The following NKAIN3 variants were observed in gnomAD, a reference collection of about 807,000 sequenced individuals.
NKAIN3 encodes the protein sodium/potassium-transporting ATPase subunit beta-1-interacting protein 3.
NKAIN3 carries 25 observed loss-of-function variants against 30.2 expected under a neutral mutation model. The ratio of observed to expected loss-of-function variants is 0.83; its 90% confidence interval spans 0.60 to 1.16. The LOEUF is 1.16. NKAIN3 is among the 50% of genes most tolerant of loss of function. NKAIN3 has a pLI of 0.00. For missense variants in NKAIN3, 225 were observed against 254.1 expected (o/e 0.89, Z 0.78); for synonymous variants, 91 against 89.6 (o/e 1.02, Z -0.09).
At chr8:62,861,450 G>T (rs1239339373) in intron 4 of NKAIN3, among the ~76,000 whole-genome samples, 1 of 152,138 alleles carries the variant, frequency 6.6e-6, no homozygotes, top group East Asian at 1.9e-4. Context: ...GGGAACTCAG[G>T]GACTTTCCTG....
At chr8:62,461,379 C>T (rs1050929524) in intron 1 of NKAIN3, among the ~76,000 whole-genome samples, 1 of 152,080 alleles carries the variant, frequency 6.6e-6, no homozygotes, top group Non-Finnish European at 1.5e-5. Flanking sequence ...CCAGAGTTGC[C>T]ACATTACCAT....
intron 1 of NKAIN3, among the ~76,000 whole-genome samples, chr8:62,519,805 G>A (rs1165256493): frequency 1.3e-5 from 2 of 152,016 alleles, no homozygotes; most frequent in African/African-American, 4.8e-5. Flanking sequence ...AGATTGCCGG[G>A]GCATCTTAGC....
chr8:62,522,335 G>A (rs1313806448), intron 1 of NKAIN3, among the ~76,000 whole-genome samples: 1 of 152,032 alleles, frequency 6.6e-6, no homozygotes, highest in Non-Finnish European at 1.5e-5. Flanking sequence ...TGTACAGCCA[G>A]TTATATGAAA....
intron 1 of NKAIN3, among the ~76,000 whole-genome samples, chr8:62,364,330 G>T (rs1344601062): frequency 6.6e-6 from 1 of 152,094 alleles, no homozygotes; most frequent in Non-Finnish European, 1.5e-5. Flanking sequence ...TTATGTAAAA[G>T]ACTTTTTCTC....
chr8:62,871,975 C>A (rs1043608716), intron 4 of NKAIN3, among the ~76,000 whole-genome samples: 3 of 152,206 alleles, frequency 2.0e-5, no homozygotes, highest in East Asian at 3.8e-4. Flanking sequence ...TGGTTAATGA[C>A]AAACCACATA....
At chr8:62,594,487 G>A (rs1810761186) in intron 3 of NKAIN3, among the ~76,000 whole-genome samples, 1 of 151,904 alleles carries the variant, frequency 6.6e-6, no homozygotes, top group Admixed American at 6.6e-5. Flanking sequence ...AATCAAATCA[G>A]CTCTACCTTT....
rs139680918 is a variant in NKAIN3, at chr8:62,941,758, T to C, written c.533-12144T>C. On this transcript the variant is annotated intron_variant, in intron 5 of 6. Coordinates refer to ENST00000623646, the MANE Select transcript of NKAIN3 (RefSeq NM_001304533.3). ...CAGCGAAATTGGCATAGAAGAGACA[T>C]ACCTTAAGGTCATAAAAGCCATCTA... is the stretch of plus-strand genomic sequence containing the variant. Among the ~76,000 whole-genome samples the C allele has an allele frequency of 1.5e-3, 232 of 152,256 alleles. 1 individual carries two copies. The highest frequency in any genetic ancestry group is 5.2e-3 in the African/African-American group (218 of 41,562).
At chr8:62,659,860 A>T (rs1812885049) in intron 3 of NKAIN3, among the ~76,000 whole-genome samples, 1 of 152,132 alleles carries the variant, frequency 6.6e-6, no homozygotes, top group East Asian at 1.9e-4. Flanking sequence ...TGGTTCTAAA[A>T]AGGGGAGTTT....
intron 1 of NKAIN3, among the ~76,000 whole-genome samples, chr8:62,365,495 C>T (rs971197951): frequency 8.5e-5 from 13 of 152,124 alleles, no homozygotes; most frequent in African/African-American, 3.1e-4. Flanking sequence ...GTATGTAGTG[C>T]TAGTTCATTT....
chr8:62,446,914 A>T (rs4738972), intron 1 of NKAIN3, among the ~76,000 whole-genome samples: 106,591 of 151,874 alleles, frequency 0.7, 37,637 homozygotes, highest in Non-Finnish European at 0.73. Context: ...AATGCTGTTA[A>T]AAACATTGGT....
At chr8:62,831,107 G>C (rs1819183026) in intron 4 of NKAIN3, among the ~76,000 whole-genome samples, 1 of 152,032 alleles carries the variant, frequency 6.6e-6, no homozygotes, top group South Asian at 2.1e-4. Context: ...TGTAGTTTGA[G>C]TTACACAGCC....
chr8:62,719,199 G>A (rs911082780), intron 3 of NKAIN3, among the ~76,000 whole-genome samples: 3 of 152,176 alleles, frequency 2.0e-5, no homozygotes, highest in African/African-American at 7.2e-5. Flanking sequence ...CAGGTGTGCG[G>A]TTGACTATGG....
chr8:62,552,345 C>A (rs1286249721), intron 1 of NKAIN3, among the ~76,000 whole-genome samples: 1 of 152,168 alleles, frequency 6.6e-6, no homozygotes, highest in Non-Finnish European at 1.5e-5. Flanking sequence ...GATAATCCCT[C>A]GATGGAGAGT....
intron 1 of NKAIN3, among the ~76,000 whole-genome samples, chr8:62,342,247 A>AAAAG (rs1372231833): frequency 6.6e-6 from 1 of 151,052 alleles, no homozygotes; most frequent in East Asian, 1.9e-4. Context: ...AAAAAAAAAA[A>AAAAG]AAAGAGATAG....
intron 1 of NKAIN3, among the ~76,000 whole-genome samples, chr8:62,299,267 A>G (rs550571381): frequency 1.3e-5 from 2 of 152,176 alleles, no homozygotes; most frequent in East Asian, 3.9e-4. Context: ...CCTCTCCCCC[A>G]CACCAATTTA....
chr8:62,300,758 A>G (rs1814019115), intron 1 of NKAIN3, among the ~76,000 whole-genome samples: 1 of 152,142 alleles, frequency 6.6e-6, no homozygotes, highest in African/African-American at 2.4e-5. Flanking sequence ...GCTGCAGCAA[A>G]CATTTTCTTT....
rs184484565 is a variant in NKAIN3 at position 62,301,177 on chromosome 8, G to T, written c.54+52050G>T. On this transcript the variant is annotated intron_variant, in intron 1 of 6. Coordinates refer to ENST00000623646, the MANE Select transcript of NKAIN3 (RefSeq NM_001304533.3). Reference sequence around the variant, plus strand: ...AAAGAGGAAATTCTATAAATTCAAAGAAATCATTCTAATATTCACTTGAAG... The same window carrying T: ...AAAGAGGAAATTCTATAAATTCAAATAAATCATTCTAATATTCACTTGAAG... Among the ~76,000 whole-genome samples, 15 of 151,658 alleles carry T rather than the reference G, an allele frequency of 9.9e-5. No homozygotes were observed. The East Asian group carries it at 2.9e-3, about 29-fold the overall frequency.
chr8:62,596,355 C>T (rs1199787086), intron 3 of NKAIN3, among the ~76,000 whole-genome samples: 2 of 152,048 alleles, frequency 1.3e-5, no homozygotes, highest in Non-Finnish European at 1.5e-5. Context: ...CTTCAATATC[C>T]ACTGGGCAGT....
At position 62,248,887 on chromosome 8, in the gene NKAIN3, C is replaced by T; in HGVS notation, c.-187C>T. On this transcript the variant is annotated 5_prime_UTR_variant, in exon 1 of 7. Transcript: ENST00000623646. ...CTCGGGTCGTGCGCACCGCACTGAC[C>T]TCGGCCCGCCCCGCCGGGAAACTAA... The T allele has an allele frequency of 1.8e-6, 1 of 556,220 alleles. No homozygotes were observed. The highest frequency in any genetic ancestry group is 3.1e-6 in the Non-Finnish European group (1 of 325,348). 34.5% of individuals were successfully genotyped at this position (556,220 alleles called of 1,614,324 possible). A position where few individuals can be genotyped will look rare whatever the true frequency, so the allele number is the denominator to read the frequency against.
Sources: allele counts gnomAD v4.1 joint callset (sites outside exome capture counted in the v4.1 genomes callset), GRCh38; gene constraint gnomAD v4.1.1; transcripts MANE v1.5; gene names NCBI Gene and HGNC (gene_info 2026-07-23, HGNC 2026-07-21).